Variants in NLGN1 observed in about 807,000 individuals in gnomAD.
NLGN1 encodes the protein neuroligin-1.
In NLGN1, 12 loss-of-function variants were observed where a neutral mutation model predicts 65.5. The ratio of observed to expected loss-of-function variants is 0.18; its 90% CI spans 0.12 to 0.30. The LOEUF (loss-of-function observed/expected upper bound fraction) is 0.30. NLGN1 is among the 10% of genes least tolerant of loss of function. NLGN1 has a pLI of 1.00. For missense variants in NLGN1, 750 were observed against 1,007.1 expected, an observed-to-expected ratio of 0.74 and a Z score of 3.46; for synonymous variants, 350 against 359.5, an observed-to-expected ratio of 0.97 and a Z score of 0.30.
In NLGN1 at chr3:173,539,920, CGTGT is replaced by C. The variant is rs143354352; in HGVS notation, c.-320-64342_-320-64339del. The stretch of plus-strand genomic sequence containing the variant: ...ATGTTATAAATGTATATATAACATA[CGTGT>C]GTGTGTGTGTGTGTGTATATATATC... On this transcript the variant is annotated intron_variant, in intron 2 of 6. Coordinates refer to ENST00000457714, the Ensembl canonical transcript of NLGN1. Among the ~76,000 whole-genome samples, 159 of 140,926 alleles carry C rather than the reference CGTGT, an allele frequency of 1.1e-3. 2 individuals are homozygous for C. The highest frequency in any genetic ancestry group is 3.9e-3 in the African/African-American group (150 of 38,944). 92.5% of individuals were successfully genotyped at this position (140,926 alleles called of 152,430 possible).
At chr3:174,273,841 A>C (rs1416697062) in intron 4 of NLGN1, among the ~76,000 whole-genome samples, 1 of 151,648 alleles carries the variant, frequency 6.6e-6, no homozygotes, top group Admixed American at 6.6e-5. Context: ...TATTCAGGAG[A>C]ATTTGTCTTC....
intron 3 of NLGN1, among the ~76,000 whole-genome samples, chr3:173,698,670 A>G (rs1766621557): frequency 6.6e-6 from 1 of 152,100 alleles, no homozygotes; most frequent in Non-Finnish European, 1.5e-5. Context: ...TATTTTATGG[A>G]AAAAAATTCT....
chr3:173,601,908 C>G, intron 2 of NLGN1, among the ~76,000 whole-genome samples: 1 of 151,936 alleles, frequency 6.6e-6, no homozygotes, highest in East Asian at 1.9e-4. Flanking sequence ...ACTGAGACTT[C>G]GTCTTCTGAA....
intron 4 of NLGN1, among the ~76,000 whole-genome samples, chr3:174,129,948 A>G (rs73046223): frequency 0.14 from 21,889 of 152,242 alleles, 2,712 homozygotes; most frequent in African/African-American, 0.33. Flanking sequence ...CATTGAATCC[A>G]AACTTCTCTT....
chr3:173,990,284 C>T (rs1720826368), intron 4 of NLGN1, among the ~76,000 whole-genome samples: 1 of 152,160 alleles, frequency 6.6e-6, no homozygotes, highest in Non-Finnish European at 1.5e-5. Flanking sequence ...CCATGTACTG[C>T]TTACAGTACC....
intron 4 of NLGN1, among the ~76,000 whole-genome samples, chr3:173,997,109 CAT>C (rs1180876268): frequency 4.6e-5 from 7 of 151,852 alleles, no homozygotes; most frequent in Non-Finnish European, 1.0e-4. Flanking sequence ...TACTGTGAAA[CAT>C]GTTATACAAT....
intron 4 of NLGN1, among the ~76,000 whole-genome samples, chr3:174,037,487 C>T (rs1356983014): frequency 2.6e-5 from 4 of 152,104 alleles, no homozygotes; most frequent in African/African-American, 7.2e-5. Context: ...AACACGATGT[C>T]GATGAAAGCA....
At chr3:173,909,582 T>A (rs1739155259) in intron 4 of NLGN1, among the ~76,000 whole-genome samples, 1 of 152,218 alleles carries the variant, frequency 6.6e-6, no homozygotes, top group Non-Finnish European at 1.5e-5. Context: ...TATTATTTTC[T>A]CACCTTTCAG....
chr3:173,992,176 G>T (rs1379018832), intron 4 of NLGN1, among the ~76,000 whole-genome samples: 1 of 152,068 alleles, frequency 6.6e-6, no homozygotes, highest in African/African-American at 2.4e-5. Context: ...GTAAGAAACA[G>T]ATTTATTGTT....
chr3:174,165,600 T>G (rs940098826), intron 4 of NLGN1, among the ~76,000 whole-genome samples: 2 of 152,080 alleles, frequency 1.3e-5, no homozygotes, highest in Non-Finnish European at 2.9e-5. Flanking sequence ...TTTAATTTGA[T>G]AGTATTTTGT....
At chr3:173,840,505 C>G (rs1178330642) in intron 4 of NLGN1, among the ~76,000 whole-genome samples, 2 of 152,078 alleles carry the variant, frequency 1.3e-5, no homozygotes, top group Non-Finnish European at 2.9e-5. Context: ...GTTTGTAATT[C>G]TTAGAGTGGG....
chr3:174,230,716 TG>T (rs1397793226), intron 4 of NLGN1, among the ~76,000 whole-genome samples: 1 of 152,184 alleles, frequency 6.6e-6, no homozygotes, highest in Non-Finnish European at 1.5e-5. Flanking sequence ...GAGGATCGTT[TG>T]TGCCCAGGAG....
intron 2 of NLGN1, among the ~76,000 whole-genome samples, chr3:173,445,281 A>C (rs1365666973): frequency 5.3e-5 from 8 of 150,492 alleles, no homozygotes; most frequent in South Asian, 2.2e-4. Context: ...AAAAAAAAAA[A>C]AAAAAAAAAA....
intron 3 of NLGN1, among the ~76,000 whole-genome samples, chr3:173,762,965 T>TACACACACACAC (rs111427276): frequency 0.13 from 18,827 of 143,116 alleles, 1,220 homozygotes; most frequent in Middle Eastern, 0.23. Flanking sequence ...TTGTCTCTGA[T>TACACACACACAC]ACACACACAC....
intron 2 of NLGN1, among the ~76,000 whole-genome samples, chr3:173,534,509 TG>T (rs1476360176): frequency 6.6e-6 from 1 of 152,200 alleles, no homozygotes; most frequent in African/African-American, 2.4e-5. Flanking sequence ...GCCGGTTTCA[TG>T]GCAATTATTA....
intron 2 of NLGN1, among the ~76,000 whole-genome samples, chr3:173,465,583 C>A (rs1403707964): frequency 2.0e-5 from 3 of 151,932 alleles, no homozygotes; most frequent in East Asian, 3.8e-4. Flanking sequence ...GAATGAACAT[C>A]GGAAAATAAT....
intron 4 of NLGN1, among the ~76,000 whole-genome samples, chr3:174,145,457 G>C (rs1024691362): frequency 1.3e-5 from 2 of 152,030 alleles, no homozygotes; most frequent in Non-Finnish European, 2.9e-5. Flanking sequence ...GGGTTCCGGT[G>C]AGCCAAGATG....
At chr3:174,190,593 A>T (rs1390801827) in intron 4 of NLGN1, among the ~76,000 whole-genome samples, 4 of 152,034 alleles carry the variant, frequency 2.6e-5, no homozygotes, top group African/African-American at 9.7e-5. Flanking sequence ...AAAATATTAG[A>T]CTTATTGATA....
At chr3:174,149,857 A>G (rs1485491256) in intron 4 of NLGN1, among the ~76,000 whole-genome samples, 1 of 152,050 alleles carries the variant, frequency 6.6e-6, no homozygotes, top group East Asian at 1.9e-4. Context: ...TAACTAGGTG[A>G]AAAAAAGGAA....
Sources: allele counts gnomAD v4.1 joint callset (sites outside exome capture counted in the v4.1 genomes callset), GRCh38; gene constraint gnomAD v4.1.1; transcripts MANE v1.5; gene names NCBI Gene and HGNC (gene_info 2026-07-23, HGNC 2026-07-21).